Variants in CCNY observed in about 807,000 individuals in gnomAD.
CCNY encodes cyclin-Y.
CCNY carries 19 observed loss-of-function variants against 42.8 expected under a neutral mutation model. The observed-to-expected ratio is 0.44, with a 90% CI of 0.31 to 0.65. CCNY has a LOEUF of 0.65. Among genes scored for constraint, CCNY ranks in the 30% least tolerant of loss-of-function variants. The pLI is 0.07. For synonymous variants in CCNY, 165 were observed against 162.7 expected (o/e 1.01, Z -0.11); for missense variants, 370 against 437.3 (o/e 0.85, Z 1.37).
chr10:35,307,306 A>T (rs1835618033), intron 3 of CCNY, among the ~76,000 whole-genome samples: 1 of 152,238 alleles, frequency 6.6e-6, no homozygotes, highest in Non-Finnish European at 1.5e-5. Flanking sequence ...AGACAGATGG[A>T]ACATCTGTGA....
rs551107564 is a variant in CCNY, at chr10:35,571,145, C to T, written c.*1975C>T. ...AATACCTCTTAAACATAAATTAGTT[C>T]CTCTCCAGTGAAGTATCTTATTTTA... On this transcript the variant is annotated 3_prime_UTR_variant, in exon 10 of 10. Coordinates refer to ENST00000374704, the MANE Select transcript of CCNY (RefSeq NM_145012.6). 2 of 152,170 alleles carry T rather than the reference C, an allele frequency of 1.3e-5. No homozygotes were observed. The highest frequency in any genetic ancestry group is 4.2e-4 in the South Asian group (2 of 4,814). 9.4% of individuals were successfully genotyped at this position (152,170 alleles called of 1,614,324 possible). A position where few individuals can be genotyped will look rare whatever the true frequency, so the allele number is the denominator to read the frequency against.
At chr10:35,449,953 A>G (rs1161667269) in intron 1 of CCNY, 3 of 203,746 alleles carry the variant, frequency 1.5e-5, no homozygotes, top group Non-Finnish European at 2.6e-5. Flanking sequence ...AGGATTCTGC[A>G]TCTCCTCCAG....
chr10:35,267,865 T>C (rs1391210534), intron 3 of CCNY, among the ~76,000 whole-genome samples: 1 of 152,178 alleles, frequency 6.6e-6, no homozygotes. Context: ...GCTGAAAAAG[T>C]AAGAATTATT....
rs188160039 is a variant in CCNY, at chr10:35,570,928, A to T, written c.*1758A>T. On this transcript the variant is annotated 3_prime_UTR_variant, in exon 10 of 10. Coordinates refer to ENST00000374704, the MANE Select transcript of CCNY (RefSeq NM_145012.6). ...AAACTTTCAAAAGCAAATAAACAGC[A>T]TATAAAACGTTAATTATCTTTCCAT... 1 of 152,516 alleles carries T rather than the reference A, an allele frequency of 6.6e-6. No homozygotes were observed. Among genetic ancestry groups the T allele is most frequent in the Admixed American group, 6.5e-5 (1 of 15,308 alleles). The allele number at this position is 152,516 out of a possible 1,614,324, so 9.4% of individuals were successfully genotyped here.
intron 1 of CCNY, among the ~76,000 whole-genome samples, chr10:35,455,821 TTTTTAA>T (rs991356669): frequency 1.0e-4 from 14 of 134,588 alleles, no homozygotes; most frequent in South Asian, 2.5e-4. Flanking sequence ...TTTTTTTTTT[TTTTTAA>T]AAAAAGAAAA....
intron 3 of CCNY, among the ~76,000 whole-genome samples, chr10:35,295,799 T>C (rs1228790693): frequency 1.3e-5 from 2 of 152,210 alleles, no homozygotes; most frequent in Non-Finnish European, 2.9e-5. Flanking sequence ...TTCATCCATA[T>C]CATATCACGT....
chr10:35,410,228 A>G (rs1035023996), intron 1 of CCNY, among the ~76,000 whole-genome samples: 1 of 152,224 alleles, frequency 6.6e-6, no homozygotes, highest in Non-Finnish European at 1.5e-5. Flanking sequence ...ACAAAAGAGG[A>G]AAAATAGTTT....
intron 3 of CCNY, among the ~76,000 whole-genome samples, chr10:35,282,293 A>T (rs749460949): frequency 3.3e-5 from 5 of 151,776 alleles, no homozygotes; most frequent in Non-Finnish European, 7.4e-5. Flanking sequence ...GACTATTTTT[A>T]AAAAATTGTT....
intron 8 of CCNY, 146 bp from the exon 9 acceptor site, chr10:35,565,876 TG>T: frequency 1.3e-6 from 1 of 775,292 alleles, no homozygotes; most frequent in Non-Finnish European, 2.1e-6. Flanking sequence ...AATCCCAATA[TG>T]GTGGTCTAAC....
chr10:35,466,260 C>T (rs1399423248), intron 1 of CCNY, among the ~76,000 whole-genome samples: 1 of 151,946 alleles, frequency 6.6e-6, no homozygotes, highest in Non-Finnish European at 1.5e-5. Flanking sequence ...GCTTCCAGGG[C>T]TTAGGAGTTT....
At chr10:35,381,683 A>G (rs1430410420) in intron 1 of CCNY, among the ~76,000 whole-genome samples, 1 of 152,148 alleles carries the variant, frequency 6.6e-6, no homozygotes, top group Admixed American at 6.5e-5. Context: ...TTCCAGAGTA[A>G]CTTCTTAAGA....
At chr10:35,449,962 A>G (rs1476471099) in intron 1 of CCNY, 6 of 183,422 alleles carry the variant, frequency 3.3e-5, no homozygotes, top group Admixed American at 6.5e-5. Flanking sequence ...CATCTCCTCC[A>G]GCTGTGTACA....
upstream of CCNY, among the ~76,000 whole-genome samples, chr10:35,335,036 A>C (rs1164470327): frequency 6.6e-6 from 1 of 152,032 alleles, no homozygotes; most frequent in Admixed American, 6.6e-5. Flanking sequence ...TTCAAGAACT[A>C]GTTCAAAAAC....
intron 2 of CCNY, among the ~76,000 whole-genome samples, chr10:35,493,513 T>C (rs936358496): frequency 6.6e-6 from 1 of 152,256 alleles, no homozygotes; most frequent in African/African-American, 2.4e-5. Context: ...TGGCTTATGT[T>C]TTTGGCTGGC....
At chr10:35,331,552 G>A (rs1468428239), upstream of CCNY, among the ~76,000 whole-genome samples, 1 of 152,114 alleles carries the variant, frequency 6.6e-6, no homozygotes, top group African/African-American at 2.4e-5. Context: ...AAAAAATATG[G>A]GGCACAAGTG....
intron 7 of CCNY, among the ~76,000 whole-genome samples, chr10:35,531,138 A>G (rs151034581): frequency 1.3e-5 from 2 of 152,360 alleles, no homozygotes; most frequent in East Asian, 3.9e-4. Flanking sequence ...TCACTTGGGA[A>G]ATAGATTTAA....
intron 3 of CCNY, among the ~76,000 whole-genome samples, chr10:35,290,119 G>C (rs534812086): frequency 1.3e-5 from 2 of 151,686 alleles, no homozygotes; most frequent in African/African-American, 4.8e-5. Flanking sequence ...CCAGCTACTC[G>C]GCGGGCTGAG....
At position 35,530,064 on chromosome 10, in the gene CCNY, A is replaced by T; in HGVS notation, c.459+34A>T. 6.2e-7 allele frequency: 1 copy of T among 1,614,056 alleles called. No individual in the cohort carries two copies. Among genetic ancestry groups the T allele is most frequent in the Non-Finnish European group, 8.5e-7 (1 of 1,179,926 alleles). ...CTCCGTGTGTTTCATGAGATGATTT[A>T]ATTATTTCTCTTTTGCTCCAATCGG... On this transcript the variant is annotated intron_variant, in intron 6 of 9. Coordinates refer to ENST00000374704, the MANE Select transcript of CCNY (RefSeq NM_145012.6). The surrounding 1 kb of genome is among the most constrained non-coding windows in gnomAD (Gnocchi z 4.3).
chr10:35,525,120 A>G (rs566310054), intron 4 of CCNY, among the ~76,000 whole-genome samples: 75 of 152,334 alleles, frequency 4.9e-4, no homozygotes, highest in African/African-American at 1.6e-3. Context: ...TTATTCGACA[A>G]TCATATGAAG....
Sources: allele counts gnomAD v4.1 joint callset (sites outside exome capture counted in the v4.1 genomes callset), GRCh38; gene constraint gnomAD v4.1.1; non-coding constraint Gnocchi (gnomAD v3.1); transcripts MANE v1.5; gene names NCBI Gene and HGNC (gene_info 2026-07-23, HGNC 2026-07-21).